GLIS3: variants seen among roughly 807,000 people sequenced by gnomAD.
The protein encoded by GLIS3 is GLIS family zinc finger 3.
GLIS3 carries 53 observed loss-of-function variants against 78.6 expected under a neutral mutation model. The ratio of observed to expected loss-of-function variants is 0.67; its 90% CI spans 0.54 to 0.85. The LOEUF (loss-of-function observed/expected upper bound fraction) is 0.85. Ranked by LOEUF, GLIS3 falls within the 40% of genes least tolerant of loss-of-function variation. The pLI is 0.00. For synonymous variants in GLIS3, 684 were observed against 509.9 expected, an observed-to-expected ratio of 1.34 and a Z score of -4.60; for missense variants, 1,703 against 1,231.1, an observed-to-expected ratio of 1.38 and a Z score of -5.74.
chr9:4,412,366 G>A, the GLIS3 span, among the ~76,000 whole-genome samples: 1 of 152,204 alleles, frequency 6.6e-6, no homozygotes, highest in Non-Finnish European at 1.5e-5. Flanking sequence ...TTTAGATCTT[G>A]AAGCAGACAA....
At chr9:4,070,129 T>A (rs143386097) in intron 4 of GLIS3, among the ~76,000 whole-genome samples, 3 of 152,310 alleles carry the variant, frequency 2.0e-5, no homozygotes, top group African/African-American at 7.2e-5. Context: ...TATTGGATCT[T>A]AATTCTCACT....
At chr9:3,855,605 G>A (rs1041175843) in intron 9 of GLIS3, 55 of 277,350 alleles carry the variant, frequency 2.0e-4, no homozygotes, top group African/African-American at 1.1e-3. Flanking sequence ...TTCCACCTGC[G>A]CCTTGAAGGA....
chr9:4,388,656 A>G, the GLIS3 span, among the ~76,000 whole-genome samples: 2 of 152,166 alleles, frequency 1.3e-5, no homozygotes, highest in Non-Finnish European at 2.9e-5. Context: ...AGCTTGGGTG[A>G]CAGAGCGAGA....
rs186351730 is a variant in GLIS3, at chr9:4,255,597, G to C, written c.388+30441C>G. Among the ~76,000 whole-genome samples the C allele has an allele frequency of 6.2e-3, 937 of 152,266 alleles. 5 individuals are homozygous for C. The highest frequency in any genetic ancestry group is 0.014 in the Middle Eastern group (4 of 294). On this transcript the variant is annotated intron_variant, in intron 2 of 10. Coordinates refer to ENST00000381971, the MANE Select transcript of GLIS3 (RefSeq NM_001042413.2). ...AAAACTTAAATGCATATTACTAAGT[G>C]AAAGAAGCCAGTCTGAGAAGGCTAC...
intron 6 of GLIS3, among the ~76,000 whole-genome samples, chr9:3,929,004 G>C (rs1001147159): frequency 1.3e-5 from 2 of 152,162 alleles, no homozygotes; most frequent in African/African-American, 4.8e-5. Context: ...AAAGCTCATA[G>C]CCTTGAGGAA....
chr9:3,895,260 T>TATCA (rs1822746204), intron 7 of GLIS3, among the ~76,000 whole-genome samples: 1 of 152,364 alleles, frequency 6.6e-6, no homozygotes, highest in South Asian at 2.1e-4. Flanking sequence ...CCTCTTAGAC[T>TATCA]ATCAGATAAA....
intron 2 of GLIS3, among the ~76,000 whole-genome samples, chr9:4,163,271 C>T (rs983346104): frequency 5.9e-5 from 9 of 151,816 alleles, no homozygotes; most frequent in Non-Finnish European, 1.2e-4. Context: ...CACACACACG[C>T]GCACGCGCGC....
chr9:4,197,947 A>C (rs1438387966), intron 2 of GLIS3, among the ~76,000 whole-genome samples: 1 of 138,834 alleles, frequency 7.2e-6, no homozygotes, highest in African/African-American at 2.4e-5. Flanking sequence ...AGAGGGAAAG[A>C]GAAAGAGACA....
chr9:4,417,691 T>G, the GLIS3 span, among the ~76,000 whole-genome samples: 1 of 152,210 alleles, frequency 6.6e-6, no homozygotes, highest in African/African-American at 2.4e-5. Flanking sequence ...CAATAAATTT[T>G]GTTGTCCTCA....
intron 4 of GLIS3, among the ~76,000 whole-genome samples, chr9:3,968,765 G>C (rs1818154021): frequency 6.6e-6 from 1 of 152,094 alleles, no homozygotes; most frequent in African/African-American, 2.4e-5. Flanking sequence ...TCAAGTAATA[G>C]TACATTTCAT....
chr9:4,197,904 C>T (rs1381290994), intron 2 of GLIS3, among the ~76,000 whole-genome samples: 4 of 151,528 alleles, frequency 2.6e-5, no homozygotes, highest in African/African-American at 4.9e-5. Context: ...TCTACAATCA[C>T]GCCCCCTAGG....
intron 4 of GLIS3, among the ~76,000 whole-genome samples, chr9:3,989,849 T>G (rs751291186): frequency 6.6e-6 from 1 of 152,130 alleles, no homozygotes; most frequent in Non-Finnish European, 1.5e-5. Flanking sequence ...TAGCAACACA[T>G]TGTATAGAAC....
intron 6 of GLIS3, among the ~76,000 whole-genome samples, chr9:3,900,084 G>A (rs973592513): frequency 9.2e-5 from 14 of 151,934 alleles, no homozygotes; most frequent in African/African-American, 3.1e-4. Context: ...GTGAGCCTGG[G>A]GCCTGGGGAA....
At chr9:4,369,650 C>A in the GLIS3 span, among the ~76,000 whole-genome samples, 1 of 152,304 alleles carries the variant, frequency 6.6e-6, no homozygotes, top group Non-Finnish European at 1.5e-5. Flanking sequence ...CCATTCCTCA[C>A]ATGCACATGG....
intron 2 of GLIS3, among the ~76,000 whole-genome samples, chr9:4,251,955 G>A (rs1283202043): frequency 1.3e-5 from 2 of 152,132 alleles, no homozygotes; most frequent in Non-Finnish European, 2.9e-5. Flanking sequence ...TGGCTTGTAG[G>A]GTTTGTGCCG....
intron 2 of GLIS3, among the ~76,000 whole-genome samples, chr9:4,156,966 G>A (rs1156565509): frequency 6.6e-6 from 1 of 152,174 alleles, no homozygotes; most frequent in Non-Finnish European, 1.5e-5. Context: ...TCAGAAACCT[G>A]GGGGTAGGGT....
At chr9:3,867,730 C>T (rs1445352) in intron 8 of GLIS3, among the ~76,000 whole-genome samples, 249 of 5,600 alleles carry the variant, frequency 0.044, 4 homozygotes, top group Admixed American at 0.066. Context: ...TGTGTGTGTG[C>T]GTGCGTGTGT....
At chr9:3,931,510 T>C (rs1476345446) in intron 6 of GLIS3, among the ~76,000 whole-genome samples, 1 of 152,072 alleles carries the variant, frequency 6.6e-6, no homozygotes, top group Non-Finnish European at 1.5e-5. Flanking sequence ...TCAATACCAA[T>C]GAAACACTCA....
At chr9:4,067,697 T>C (rs1205595588) in intron 4 of GLIS3, among the ~76,000 whole-genome samples, 1 of 152,000 alleles carries the variant, frequency 6.6e-6, no homozygotes, top group Non-Finnish European at 1.5e-5. Flanking sequence ...AAAAACAGAT[T>C]TGCCAAATTT....
Sources: allele counts gnomAD v4.1 joint callset (sites outside exome capture counted in the v4.1 genomes callset), GRCh38; gene constraint gnomAD v4.1.1; transcripts MANE v1.5; gene names NCBI Gene and HGNC (gene_info 2026-07-23, HGNC 2026-07-21).